Variants in CNTNAP2 observed in about 807,000 individuals in gnomAD.
The protein encoded by CNTNAP2 is contactin-associated protein-like 2.
CNTNAP2 carries 98 observed loss-of-function variants against 155.2 expected under a neutral mutation model. The observed-to-expected ratio is 0.63, with a 90% CI of 0.54 to 0.75. CNTNAP2 has a LOEUF of 0.75. Among genes scored for constraint, CNTNAP2 ranks in the 30% least tolerant of loss-of-function variants. CNTNAP2 has a pLI of 0.00. For synonymous variants in CNTNAP2, 651 were observed against 631.2 expected (o/e 1.03, Z -0.47); for missense variants, 1,727 against 1,688.1 (o/e 1.02, Z -0.40).
chr7:146,241,847 C>G (rs1237044404), intron 1 of CNTNAP2, among the ~76,000 whole-genome samples: 1 of 151,574 alleles, frequency 6.6e-6, no homozygotes, highest in Non-Finnish European at 1.5e-5. Context: ...CAAACACACA[C>G]GCACACACAC....
intron 1 of CNTNAP2, among the ~76,000 whole-genome samples, chr7:146,353,414 G>T (rs565517063): frequency 6.6e-6 from 1 of 152,186 alleles, no homozygotes; most frequent in South Asian, 2.1e-4. Context: ...TCCAATTGTT[G>T]ACATGCCATT....
chr7:146,716,382 C>A (rs566693146), intron 1 of CNTNAP2, among the ~76,000 whole-genome samples: 2 of 151,808 alleles, frequency 1.3e-5, no homozygotes, highest in African/African-American at 4.8e-5. Flanking sequence ...TAAAAAAACT[C>A]AAAACAAAAC....
At position 146,857,141 on chromosome 7, in the gene CNTNAP2, T is replaced by C. The variant is rs1257366152; in HGVS notation, c.402+17237T>C. Among the ~76,000 whole-genome samples the C allele has an allele frequency of 3.9e-5, 6 of 152,150 alleles. 1 individual carries two copies. Among genetic ancestry groups the C allele is most frequent in the Non-Finnish European group, 2.9e-5 (2 of 68,030 alleles). On this transcript the variant is annotated intron_variant, in intron 3 of 23. Transcript: ENST00000361727. ...TATTTGGAAGTAAGTGAACATGATA[T>C]GCAACTTATTCTCACATGGTTCAGA...
intron 3 of CNTNAP2, among the ~76,000 whole-genome samples, chr7:146,946,467 A>C (rs1394125006): frequency 6.6e-6 from 1 of 152,160 alleles, no homozygotes; most frequent in Non-Finnish European, 1.5e-5. Context: ...TTTCAAATAA[A>C]GTATCCAAAA....
chr7:146,221,839 G>C (rs116044562), intron 1 of CNTNAP2, among the ~76,000 whole-genome samples: 2,122 of 152,232 alleles, frequency 0.014, 56 homozygotes, highest in African/African-American at 0.049. Context: ...ATTTTGCTAG[G>C]TGAACAAGTA....
chr7:148,165,097 T>C (rs191351149), intron 17 of CNTNAP2, among the ~76,000 whole-genome samples: 1 of 152,264 alleles, frequency 6.6e-6, no homozygotes, highest in African/African-American at 2.4e-5. Flanking sequence ...CATAGTCTGG[T>C]GGCTTAAACA....
intron 1 of CNTNAP2, among the ~76,000 whole-genome samples, chr7:146,353,111 A>T (rs1343148462): frequency 6.6e-6 from 1 of 152,092 alleles, no homozygotes; most frequent in East Asian, 1.9e-4. Flanking sequence ...AAGACATGTT[A>T]GTACTATGGT....
rs888976222 is a variant in CNTNAP2, at chr7:147,527,015, C to CTTTTTTTTTTTTTTT, written c.1778-35110_1778-35096dup. On this transcript the variant is annotated intron_variant, in intron 11 of 23. Transcript: ENST00000361727. Reference sequence around the variant, plus strand: ...CATGAATTATGGAAGACAGGCATTTCTTTTTTTTTTTTTTTTTTTTTTTTT... The same window carrying CTTTTTTTTTTTTTTT: ...CATGAATTATGGAAGACAGGCATTTCTTTTTTTTTTTTTTTTTTTTTTTTTTTTTTTTTTTTTTTT... Among the ~76,000 whole-genome samples, 43 of 65,170 alleles carry CTTTTTTTTTTTTTTT rather than the reference C, an allele frequency of 6.6e-4. 6 individuals are homozygous for CTTTTTTTTTTTTTTT. The highest frequency in any genetic ancestry group is 2.7e-3 in the African/African-American group (35 of 12,770). The allele number at this position is 65,170 out of a possible 152,430, so 42.8% of individuals were successfully genotyped here.
chr7:148,402,481 T>C (rs1043726832), intron 22 of CNTNAP2, among the ~76,000 whole-genome samples: 2 of 152,206 alleles, frequency 1.3e-5, no homozygotes, highest in Non-Finnish European at 2.9e-5. Context: ...TCTCTTAAAA[T>C]AAAACAATGT....
chr7:148,372,302 A>G (rs1798901897), intron 21 of CNTNAP2, among the ~76,000 whole-genome samples: 1 of 152,150 alleles, frequency 6.6e-6, no homozygotes. Context: ...TGGATGAGTG[A>G]GTGGGTGGTA....
chr7:147,198,114 T>C (rs535111227), intron 8 of CNTNAP2, among the ~76,000 whole-genome samples: 89 of 152,202 alleles, frequency 5.8e-4, no homozygotes, highest in Non-Finnish European at 2.5e-4. Flanking sequence ...TTTAAAAATA[T>C]CTATTTAAAA....
In CNTNAP2 at chr7:148,276,657, A is replaced by C. The variant is rs10254134; in HGVS notation, c.3475+9531A>C. Among the ~76,000 whole-genome samples, 574 of 152,362 alleles carry C rather than the reference A, an allele frequency of 3.8e-3. 3 individuals carry two copies. The highest frequency in any genetic ancestry group is 0.013 in the African/African-American group (544 of 41,594). Reference sequence around the variant, plus strand: ...CATATTACGGATCTATTTATAAGCCATGTTAAGGTTTTAATGTTATCTTAG... The same window carrying C: ...CATATTACGGATCTATTTATAAGCCCTGTTAAGGTTTTAATGTTATCTTAG... On this transcript the variant is annotated intron_variant, in intron 21 of 23. Transcript: ENST00000361727.
chr7:146,731,958 C>G (rs1163791638), intron 1 of CNTNAP2, among the ~76,000 whole-genome samples: 1 of 151,494 alleles, frequency 6.6e-6, no homozygotes, highest in African/African-American at 2.4e-5. Context: ...TAAAAGCATC[C>G]AAAATGATAG....
At chr7:147,119,993 C>T (rs1380884014) in intron 5 of CNTNAP2, among the ~76,000 whole-genome samples, 1 of 152,098 alleles carries the variant, frequency 6.6e-6, no homozygotes, top group African/African-American at 2.4e-5. Flanking sequence ...TAGATTCTAA[C>T]AATCTTTTAC....
intron 3 of CNTNAP2, among the ~76,000 whole-genome samples, chr7:146,991,422 A>C (rs1038104222): frequency 1.3e-5 from 2 of 152,180 alleles, no homozygotes; most frequent in African/African-American, 4.8e-5. Context: ...CTGCAGGACC[A>C]ACCCATGTGG....
At chr7:147,896,568 G>A (rs1311396360) in intron 13 of CNTNAP2, among the ~76,000 whole-genome samples, 4 of 152,156 alleles carry the variant, frequency 2.6e-5, no homozygotes, top group Non-Finnish European at 5.9e-5. Flanking sequence ...TGAAACCACA[G>A]GGAGTCGAAG....
chr7:147,465,639 T>G (rs1263091692), intron 10 of CNTNAP2, among the ~76,000 whole-genome samples: 1 of 152,236 alleles, frequency 6.6e-6, no homozygotes, highest in Admixed American at 6.5e-5. Context: ...CTAATTCTTT[T>G]TCCCGTATCA....
chr7:148,373,136 AC>A (rs1798920553), intron 21 of CNTNAP2, among the ~76,000 whole-genome samples: 4 of 152,118 alleles, frequency 2.6e-5, no homozygotes, highest in Admixed American at 6.6e-5. Context: ...AGGCTGTTGT[AC>A]AATTACCCTT....
intron 1 of CNTNAP2, among the ~76,000 whole-genome samples, chr7:146,688,063 C>T (rs1297529489): frequency 6.6e-6 from 1 of 152,108 alleles, no homozygotes; most frequent in Non-Finnish European, 1.5e-5. Context: ...GCTGAAAAGA[C>T]ATTGTTGGTC....
Sources: gnomAD v4.1 joint callset for allele counts (sites outside exome capture counted in the v4.1 genomes callset) on GRCh38, gnomAD v4.1.1 for gene constraint, MANE v1.5 for transcripts, NCBI Gene and HGNC (gene_info 2026-07-23, HGNC 2026-07-21) for gene names.